MMADHC: variants seen among roughly 807,000 people sequenced by gnomAD.
MMADHC encodes the protein metabolism of cobalamin associated D, also known as cobalamin trafficking protein CblD.
Under a neutral mutation model 36.3 loss-of-function variants are expected in MMADHC, and 23 were observed. That is an observed-to-expected ratio of 0.63 (90% CI 0.46 to 0.90). The LOEUF (loss-of-function observed/expected upper bound fraction) is 0.90, where lower values mean the gene tolerates loss of function less well. MMADHC is among the 40% of genes least tolerant of loss of function. The pLI is 0.00. For missense variants in MMADHC, 330 were observed against 348.0 expected (o/e 0.95, Z 0.41); for synonymous variants, 97 against 116.1 (o/e 0.84, Z 1.06).
intron 1 of MMADHC, 30 bp downstream of exon 1, chr2:149,587,634 G>A (rs969761173): frequency 5.5e-5 from 9 of 164,956 alleles, no homozygotes; most frequent in Admixed American, 2.3e-4. Flanking sequence ...CAAATTTGGA[G>A]GGGCTAACAT....
At chr2:149,578,038 A>T (rs1202294041) in intron 4 of MMADHC, among the ~76,000 whole-genome samples, 4 of 152,074 alleles carry the variant, frequency 2.6e-5, no homozygotes, top group Non-Finnish European at 4.4e-5. Flanking sequence ...ACCAAACAAC[A>T]ACAACAACAA....
Position 149,579,566 on chromosome 2 carries a change from A to G in MMADHC, c.237T>C (p.Gly79=), listed in dbSNP as rs763521620. 7 of 1,613,970 alleles carry G rather than the reference A, an allele frequency of 4.3e-6. No individual in the cohort carries two copies. Among genetic ancestry groups the G allele is most frequent in the Non-Finnish European group, 5.9e-6 (7 of 1,179,972 alleles). ...CAGTCCCATTGAGGTGACAATCAAA[A>G]CCTATGTTCCCAGGAAGCTGGAACC... The part of the protein sequence containing the change: ...DQRFQLPGNI[G]FDCHLNGTAS... The change falls in exon 4 of 8, where the codon GGT becomes GGC. Residue 79 remains glycine, a synonymous_variant. Coordinates refer to ENST00000303319, the MANE Select transcript of MMADHC (RefSeq NM_015702.3).
At chr2:149,571,048 C>T (rs1346348145) in intron 7 of MMADHC, 37 bp downstream of exon 7, 18 of 1,424,160 alleles carry the variant, frequency 1.3e-5, no homozygotes, top group Middle Eastern at 1.8e-4. Flanking sequence ...ATCATCTCTA[C>T]TTCATATAAT....
At chr2:149,573,948 A>G (rs549583214) in intron 6 of MMADHC, among the ~76,000 whole-genome samples, 1 of 152,174 alleles carries the variant, frequency 6.6e-6, no homozygotes, top group African/African-American at 2.4e-5. Context: ...AAAAATTAGA[A>G]CAGATTTAAA....
At chr2:149,584,706 T>C (rs531797699) in intron 2 of MMADHC, among the ~76,000 whole-genome samples, 1 of 152,202 alleles carries the variant, frequency 6.6e-6, no homozygotes, top group African/African-American at 2.4e-5. Context: ...AAAGCGACAG[T>C]TGATGATAGT....
At chr2:149,583,229 T>C (rs1369537860) in intron 2 of MMADHC, among the ~76,000 whole-genome samples, 1 of 152,186 alleles carries the variant, frequency 6.6e-6, no homozygotes, top group African/African-American at 2.4e-5. Flanking sequence ...TCTGAATAAT[T>C]GTTAAGAAAT....
rs767877116 is a variant in MMADHC at position 149,587,076 on chromosome 2, A to T, written c.9+13T>A. On this transcript the variant is annotated intron_variant, in intron 2 of 7. Transcript: ENST00000303319. ...AGTTTACTATGCTGATTCTTAAGAG[A>T]TAATTTACTCACATTGGCCATCTCC... 6.2e-7 allele frequency: 1 copy of T among 1,613,432 alleles called. No individual in the cohort carries two copies.
chr2:149,577,965 C>CA (rs1296315721), intron 4 of MMADHC, among the ~76,000 whole-genome samples: 1 of 152,144 alleles, frequency 6.6e-6, no homozygotes, highest in Non-Finnish European at 1.5e-5. Flanking sequence ...TTGCAGTGAG[C>CA]CAAGATCGCA....
intron 6 of MMADHC, among the ~76,000 whole-genome samples, chr2:149,575,121 A>G (rs1682694360): frequency 6.6e-6 from 1 of 152,206 alleles, no homozygotes; most frequent in Non-Finnish European, 1.5e-5. Context: ...TAAAAAGTTT[A>G]TGGTTTACCC....
At chr2:149,572,386 A>G (rs1008698218) in intron 6 of MMADHC, 8 of 296,370 alleles carry the variant, frequency 2.7e-5, no homozygotes, top group African/African-American at 1.6e-4. Context: ...AACAGAGTTA[A>G]CAGGTACTGA....
chr2:149,576,059 C>A (rs1007155086), intron 5 of MMADHC, among the ~76,000 whole-genome samples: 2 of 152,116 alleles, frequency 1.3e-5, no homozygotes, highest in South Asian at 2.1e-4. Flanking sequence ...AATATTACTA[C>A]CAACAATCCT....
intron 4 of MMADHC, among the ~76,000 whole-genome samples, chr2:149,577,299 G>C (rs1184681045): frequency 6.6e-6 from 1 of 152,134 alleles, no homozygotes; most frequent in Non-Finnish European, 1.5e-5. Flanking sequence ...ACAGAGGTTA[G>C]GAATTCAGGA....
chr2:149,569,721 C>A lies in MMADHC; in HGVS notation c.*253G>T. Reference sequence around the variant, plus strand: ...CAATAAAGAGGAGAAATAACAATAGCAGATCATACCCTGGTTACAAGCTAA... The same window carrying A: ...CAATAAAGAGGAGAAATAACAATAGAAGATCATACCCTGGTTACAAGCTAA... On this transcript the variant is annotated 3_prime_UTR_variant, in exon 8 of 8. Transcript: ENST00000303319. The A allele has an allele frequency of 3.1e-6, 1 of 322,506 alleles. No individual in the cohort carries two copies. The highest frequency in any genetic ancestry group is 5.7e-6 in the Non-Finnish European group (1 of 174,364). The allele number at this position is 322,506 out of a possible 1,614,324, so 20.0% of individuals were successfully genotyped here.
intron 3 of MMADHC, among the ~76,000 whole-genome samples, chr2:149,580,686 C>T (rs556470448): frequency 6.6e-5 from 10 of 152,246 alleles, no homozygotes; most frequent in East Asian, 1.9e-4. Flanking sequence ...CTGTCTCATT[C>T]CTGGATCATG....
chr2:149,578,688 TA>T (rs758099317), intron 4 of MMADHC, among the ~76,000 whole-genome samples: 3 of 151,942 alleles, frequency 2.0e-5, no homozygotes, highest in African/African-American at 2.4e-5. Context: ...TTATCTGAGA[TA>T]AAAATATAGG....
At chr2:149,575,909 G>C in intron 5 of MMADHC, 68 bp from the exon 6 acceptor site, 2 of 1,237,434 alleles carry the variant, frequency 1.6e-6, no homozygotes, top group South Asian at 1.4e-5. Flanking sequence ...TTTTAAAGAA[G>C]GATAAAAGTA....
At chr2:149,584,494 T>G (rs1682835277) in intron 2 of MMADHC, among the ~76,000 whole-genome samples, 2 of 152,220 alleles carry the variant, frequency 1.3e-5, no homozygotes, top group African/African-American at 4.8e-5. Flanking sequence ...ATCATCCAAA[T>G]TATTTCAAAA....
At chr2:149,576,677 G>A (rs1477035202) in intron 4 of MMADHC, 135 bp from the exon 5 acceptor site, 24 of 663,474 alleles carry the variant, frequency 3.6e-5, no homozygotes, top group Non-Finnish European at 5.4e-5. Flanking sequence ...TGGGAGGTGA[G>A]GTAATAACAT....
intron 2 of MMADHC, among the ~76,000 whole-genome samples, chr2:149,583,944 C>A (rs561262010): frequency 2.0e-5 from 3 of 152,264 alleles, no homozygotes; most frequent in African/African-American, 7.2e-5. Flanking sequence ...AAAATTCTAG[C>A]AAATTCTTAC....
Sources: gnomAD v4.1 joint callset for allele counts (sites outside exome capture counted in the v4.1 genomes callset) on GRCh38, gnomAD v4.1.1 for gene constraint, MANE v1.5 for transcripts, NCBI Gene and HGNC (gene_info 2026-07-23, HGNC 2026-07-21) for gene names.